Variants in KAZN observed in about 807,000 individuals in gnomAD.
The protein encoded by KAZN is kazrin.
Under a neutral mutation model 87.4 loss-of-function variants are expected in KAZN, and 40 were observed. That is an observed-to-expected ratio of 0.46 (90% CI 0.36 to 0.60). The LOEUF is 0.60. KAZN is among the 20% of genes least tolerant of loss of function. The pLI, the probability that KAZN is intolerant of heterozygous loss-of-function variation, is 0.00. For missense variants in KAZN, 898 were observed against 1,073.9 expected, an observed-to-expected ratio of 0.84 and a Z score of 2.29; for synonymous variants, 466 against 458.3, an observed-to-expected ratio of 1.02 and a Z score of -0.22.
At chr1:14,679,225 G>C (rs1011394499) in intron 1 of KAZN, among the ~76,000 whole-genome samples, 3 of 152,146 alleles carry the variant, frequency 2.0e-5, no homozygotes, top group Non-Finnish European at 2.9e-5. Context: ...GAAGTACCAG[G>C]GTCGGTTAGC....
intron 1 of KAZN, among the ~76,000 whole-genome samples, chr1:14,834,641 G>A (rs553146905): frequency 2.3e-4 from 35 of 152,258 alleles, no homozygotes; most frequent in Non-Finnish European, 4.0e-4. Context: ...GATTACAGGC[G>A]TGAGCCACTG....
intron 2 of KAZN, among the ~76,000 whole-genome samples, chr1:14,458,361 A>T (rs751544913): frequency 6.6e-6 from 1 of 152,220 alleles, no homozygotes; most frequent in Non-Finnish European, 1.5e-5. Context: ...GTTGATTATC[A>T]TGGTCTTTCT....
chr1:14,303,498 C>T (rs1654704283), intron 2 of KAZN, among the ~76,000 whole-genome samples: 1 of 152,214 alleles, frequency 6.6e-6, no homozygotes, highest in Non-Finnish European at 1.5e-5. Context: ...CCACCTCAGC[C>T]TCCCAAAGTG....
Position 14,735,491 on chromosome 1 carries a change from AC to A in KAZN, c.226+136273del, listed in dbSNP as rs1643874151. On this transcript the variant is annotated intron_variant, in intron 1 of 14. Coordinates refer to ENST00000376030, the MANE Select transcript of KAZN (RefSeq NM_201628.3). The surrounding 1 kb of genome is among the most constrained non-coding windows in gnomAD (Gnocchi z 4.3). ...GGTGTTTAGGCTGGACCCCGAAACC[AC>A]CCCCATACACAAAGCCTGAGTGTCA... is the stretch of plus-strand genomic sequence containing the variant. Among the ~76,000 whole-genome samples the A allele has an allele frequency of 1.3e-5, 2 of 152,080 alleles. No homozygotes were observed. Among genetic ancestry groups the A allele is most frequent in the Admixed American group, 6.5e-5 (1 of 15,284 alleles).
In KAZN at chr1:14,996,011, G is replaced by GC. The variant is rs1366060379; in HGVS notation, c.418+35139dup. On this transcript the variant is annotated intron_variant, in intron 2 of 14. Transcript: ENST00000376030. This position sits in a 1 kb window ranked among gnomAD's most constrained non-coding sequence, Gnocchi z 5.9. ...CAGTCAGCTGGACCCAAGGGCGGCT[G>GC]CCCTATAAGACACCTAATGCCATCC... Among the ~76,000 whole-genome samples the GC allele has an allele frequency of 1.3e-5, 2 of 151,728 alleles. No homozygotes were observed. The highest frequency in any genetic ancestry group is 4.1e-4 in the East Asian group (2 of 4,826).
intron 2 of KAZN, among the ~76,000 whole-genome samples, chr1:14,398,953 G>A (rs963220668): frequency 1.1e-4 from 16 of 152,060 alleles, no homozygotes; most frequent in East Asian, 1.9e-4. Flanking sequence ...AACTGCCACC[G>A]ATCCCCTGAA....
chr1:15,099,168 G>A lies in KAZN; in HGVS notation c.1548-2375G>A, dbSNP rs140096639. On this transcript the variant is annotated intron_variant, in intron 10 of 14. Coordinates refer to ENST00000376030, the MANE Select transcript of KAZN (RefSeq NM_201628.3). The surrounding 1 kb of genome is among the most constrained non-coding windows in gnomAD (Gnocchi z 5.4). ...AAGGGGGTCCCAGTGGACCCAAGTG[G>A]TTCTGGGAGGCTGATGGGCAGAGGG... Among the ~76,000 whole-genome samples the A allele has an allele frequency of 5.3e-3, 803 of 152,298 alleles. 5 individuals are homozygous for A. The highest frequency in any genetic ancestry group is 0.018 in the African/African-American group (749 of 41,548).
chr1:15,019,667 G>A (rs1670470915), intron 2 of KAZN, among the ~76,000 whole-genome samples: 1 of 152,218 alleles, frequency 6.6e-6, no homozygotes, highest in South Asian at 2.1e-4. Flanking sequence ...GGGATTACAA[G>A]CGTGAGCCAC....
intron 1 of KAZN, among the ~76,000 whole-genome samples, chr1:14,049,656 C>T (rs74057003): frequency 6.6e-6 from 1 of 152,244 alleles, no homozygotes; most frequent in African/African-American, 2.4e-5. Context: ...GTTCCCTTTT[C>T]CCTCCTTTTC....
chr1:13,902,738 C>T (rs143797136), intron 1 of KAZN, among the ~76,000 whole-genome samples: 2 of 152,296 alleles, frequency 1.3e-5, no homozygotes, highest in East Asian at 3.9e-4. Flanking sequence ...ATGAATATTT[C>T]TCCCTATTAC....
rs1291015870 is a variant in KAZN at position 14,955,603 on chromosome 1, G to A, written c.227-5081G>A. ...CTGCAGGTGCCGCACCTGGTGACCC[G>A]CCCTGGAGGCTCCCATCAACTTACT... On this transcript the variant is annotated intron_variant, in intron 1 of 14. Transcript: ENST00000376030. Among the ~76,000 whole-genome samples the A allele has an allele frequency of 2.6e-5, 4 of 151,358 alleles. No homozygotes were observed. In the East Asian group the frequency reaches 5.8e-4, roughly 22 times the overall value.
intron 2 of KAZN, among the ~76,000 whole-genome samples, chr1:14,253,072 C>T (rs919122313): frequency 7.6e-5 from 11 of 144,760 alleles, no homozygotes; most frequent in African/African-American, 2.8e-4. Context: ...TATACACTTA[C>T]TATGTTACAA....
rs555233924 is a variant in KAZN, at chr1:14,551,161, G to C, written c.250-47822G>C. Among the ~76,000 whole-genome samples, 5 of 152,206 alleles carry C rather than the reference G, an allele frequency of 3.3e-5. No homozygotes were observed. The East Asian group carries it at 9.7e-4, about 30-fold the overall frequency. ...AACCCCTCAGCCCTACTGGCCCTTG[G>C]CAGTCAACTTCAGACACACTGCCCC... On this transcript the variant is annotated intron_variant, in intron 2 of 16. Coordinates refer to the KAZN transcript ENST00000636203.
chr1:14,357,998 G>C (rs1014009646), intron 2 of KAZN, among the ~76,000 whole-genome samples: 1 of 152,148 alleles, frequency 6.6e-6, no homozygotes, highest in Non-Finnish European at 1.5e-5. Context: ...AGAAGGAATG[G>C]TACCAACTCC....
At chr1:15,057,320 G>A (rs991798286) in intron 5 of KAZN, among the ~76,000 whole-genome samples, 2 of 152,204 alleles carry the variant, frequency 1.3e-5, no homozygotes, top group Admixed American at 6.5e-5. Flanking sequence ...CACAACGTAC[G>A]TTAAAGACGT....
chr1:14,751,721 G>A (rs893164959), intron 1 of KAZN, among the ~76,000 whole-genome samples: 4 of 152,220 alleles, frequency 2.6e-5, no homozygotes, highest in African/African-American at 9.6e-5. Flanking sequence ...CTATGGAATG[G>A]CAAATGCTTG....
chr1:14,526,082 A>G (rs1671847695), intron 2 of KAZN, among the ~76,000 whole-genome samples: 1 of 152,226 alleles, frequency 6.6e-6, no homozygotes. Context: ...TACTAAATCA[A>G]CATTTATGAT....
At chr1:14,407,010 C>T (rs947935623) in intron 2 of KAZN, among the ~76,000 whole-genome samples, 7 of 152,216 alleles carry the variant, frequency 4.6e-5, no homozygotes, top group African/African-American at 1.7e-4. Flanking sequence ...TTTCGCAAGT[C>T]ATCTATGAGT....
chr1:14,778,281 G>A (rs1233444395), intron 1 of KAZN, among the ~76,000 whole-genome samples: 2 of 151,970 alleles, frequency 1.3e-5, no homozygotes, highest in East Asian at 1.9e-4. Context: ...AACATTTATA[G>A]TTGGTGGTCT....
Sources: allele counts gnomAD v4.1 joint callset (sites outside exome capture counted in the v4.1 genomes callset), GRCh38; gene constraint gnomAD v4.1.1; non-coding constraint Gnocchi (gnomAD v3.1); transcripts MANE v1.5; gene names NCBI Gene and HGNC (gene_info 2026-07-23, HGNC 2026-07-21).